ESYT3: variants seen among roughly 807,000 people sequenced by gnomAD.
ESYT3 encodes extended synaptotagmin 3.
ESYT3 carries 101 observed loss-of-function variants against 111.5 expected under a neutral mutation model. That is an observed-to-expected ratio of 0.91 (90% CI 0.77 to 1.07). The LOEUF is 1.07. ESYT3 is among the 50% of genes least tolerant of loss of function. The pLI is 0.00. For synonymous variants in ESYT3, 416 were observed against 446.8 expected (o/e 0.93, Z 0.87); for missense variants, 1,097 against 1,109.4 (o/e 0.99, Z 0.16).
chr3:138,436,328 C>G (rs953580368), intron 1 of ESYT3, among the ~76,000 whole-genome samples: 5 of 152,134 alleles, frequency 3.3e-5, no homozygotes, highest in Non-Finnish European at 5.9e-5. Flanking sequence ...GTCTTCACAC[C>G]GTCTTCCTTC....
In ESYT3 at chr3:138,435,493, C is replaced by T. The variant is rs2030591396; in HGVS notation, c.327+368C>T. Among the ~76,000 whole-genome samples, 1 of 152,230 alleles carries T rather than the reference C, an allele frequency of 6.6e-6. No homozygotes were observed. The highest frequency in any genetic ancestry group is 1.5e-5 in the Non-Finnish European group (1 of 68,042). On this transcript the variant is annotated intron_variant, in intron 1 of 22. Transcript: ENST00000389567. This position sits in a 1 kb window ranked among gnomAD's most constrained non-coding sequence, Gnocchi z 4.8. ...AATCAGAAGGCATTTCTTCCACCCG[C>T]CTGTTGATTCAGAGAACGAACGCCG...
intron 1 of ESYT3, among the ~76,000 whole-genome samples, chr3:138,438,305 G>T (rs1358635426): frequency 6.6e-6 from 1 of 152,222 alleles, no homozygotes; most frequent in Non-Finnish European, 1.5e-5. Context: ...CTGAAGAAAA[G>T]TTGAGCAGCT....
intron 1 of ESYT3, among the ~76,000 whole-genome samples, chr3:138,450,988 G>C (rs1386794371): frequency 6.6e-6 from 1 of 152,208 alleles, no homozygotes; most frequent in Admixed American, 6.5e-5. Flanking sequence ...CTGTTTTGGT[G>C]AACAGTGTTT....
intron 1 of ESYT3, among the ~76,000 whole-genome samples, chr3:138,438,166 C>A (rs1456539692): frequency 6.6e-6 from 1 of 152,190 alleles, no homozygotes; most frequent in Admixed American, 6.5e-5. Context: ...CACATGCTGA[C>A]CTTTTAGCAT....
chr3:138,467,143 T>A (rs2108622782), intron 10 of ESYT3, among the ~76,000 whole-genome samples: 1 of 152,288 alleles, frequency 6.6e-6, no homozygotes, highest in South Asian at 2.1e-4. Flanking sequence ...CATTTGGGGT[T>A]ATTGACATGA....
At chr3:138,468,463 C>CT (rs2033045719) in intron 12 of ESYT3, among the ~76,000 whole-genome samples, 192 bp from the exon 13 acceptor site, 1 of 152,148 alleles carries the variant, frequency 6.6e-6, no homozygotes, top group Admixed American at 6.5e-5. Context: ...CACTCAGTGT[C>CT]TAACTTGAAT....
At chr3:138,472,253 G>A in intron 17 of ESYT3, 110 bp from the exon 18 acceptor site, 2 of 1,410,334 alleles carry the variant, frequency 1.4e-6, no homozygotes, top group South Asian at 1.4e-5. Flanking sequence ...AAGTTCCCTA[G>A]GAAGGGTCTT....
rs1412592149 is a variant in ESYT3, at chr3:138,477,925, A to AAAG, written c.*1072_*1074dup. The AAAG allele has an allele frequency of 6.6e-6, 1 of 152,184 alleles. No individual in the cohort carries two copies. The highest frequency in any genetic ancestry group is 2.4e-5 in the African/African-American group (1 of 41,438). The allele number at this position is 152,184 out of a possible 1,614,324, so 9.4% of individuals were successfully genotyped here. A position where few individuals can be genotyped will look rare whatever the true frequency, so the allele number is the denominator to read the frequency against. The stretch of plus-strand genomic sequence containing the variant: ...CTGAAGCAGGGCAACATTCGAGAAC[A>AAAG]AAGTTTTGTCATGTTACTCTTATTC... On this transcript the variant is annotated 3_prime_UTR_variant, in exon 23 of 23. Transcript: ENST00000389567.
chr3:138,469,603 G>T, intron 15 of ESYT3, 99 bp downstream of exon 15: 1 of 884,730 alleles, frequency 1.1e-6, no homozygotes, highest in South Asian at 1.5e-5. Context: ...TATGGTGAAT[G>T]CCTAGTAGGC....
chr3:138,464,660 C>A, intron 9 of ESYT3, 145 bp downstream of exon 9: 3 of 886,260 alleles, frequency 3.4e-6, no homozygotes, highest in Middle Eastern at 5.8e-4. Flanking sequence ...GGCTTCCAGA[C>A]TGGGTTACTC....
At position 138,465,412 on chromosome 3, in the gene ESYT3, TC is replaced by T. The variant is rs1395441301; in HGVS notation, c.1162del (p.Leu388TrpfsTer12). 6.3e-7 allele frequency: 1 copy of T among 1,590,794 alleles called. No individual in the cohort carries two copies. Among genetic ancestry groups the T allele is most frequent in the Non-Finnish European group, 8.6e-7 (1 of 1,169,274 alleles). On this transcript the variant is annotated frameshift_variant, in exon 10 of 23. Coordinates refer to ENST00000389567, the MANE Select transcript of ESYT3 (RefSeq NM_031913.5). LOFTEE classifies it high-confidence loss of function. ...LYDEDTDRDDFLGSLQICLGD... is the reference protein window; with the variant it reads ...LYDEDTDRDDXLGSLQICLGD... ...GATGAGGATACCGACAGGGATGACT[TC>T]CTGGGCAGGTGAGGAGGAGGGCGCA...
chr3:138,472,291 G>A (rs2033258321), intron 17 of ESYT3, 72 bp from the exon 18 acceptor site: 1 of 1,549,740 alleles, frequency 6.5e-7, no homozygotes, highest in African/African-American at 1.4e-5. Flanking sequence ...GGGAAAGGGG[G>A]AACGGGAAAC....
At position 138,477,730 on chromosome 3, in the gene ESYT3, G is replaced by A. The variant is rs557714595; in HGVS notation, c.*876G>A. The A allele has an allele frequency of 4.2e-4, 64 of 152,250 alleles. No homozygotes were observed. The highest frequency in any genetic ancestry group is 1.5e-3 in the African/African-American group (62 of 41,542). The allele number at this position is 152,250 out of a possible 1,614,324, so 9.4% of individuals were successfully genotyped here. ...ACCTAAATAACATGTTAAAAGCAAA[G>A]TATTAAATTATATGCTTAAACAAGC... On this transcript the variant is annotated 3_prime_UTR_variant, in exon 23 of 23. Transcript: ENST00000389567.
intron 16 of ESYT3, chr3:138,470,608 C>A (rs1208076813): frequency 8.1e-7 from 1 of 1,238,532 alleles, no homozygotes; most frequent in African/African-American, 1.5e-5. Context: ...CAGCACAGCT[C>A]ATCAGTCCCC....
At chr3:138,461,239 G>A (rs762764200) in intron 7 of ESYT3, among the ~76,000 whole-genome samples, 1 of 152,206 alleles carries the variant, frequency 6.6e-6, no homozygotes, top group Non-Finnish European at 1.5e-5. Context: ...AACCAAGTGT[G>A]TGGTGAGAAG....
chr3:138,442,496 C>T (rs1414584752), intron 1 of ESYT3, among the ~76,000 whole-genome samples: 1 of 152,086 alleles, frequency 6.6e-6, no homozygotes, highest in Admixed American at 6.5e-5. Context: ...CGCAGTTTCT[C>T]CCTCTGATCT....
intron 8 of ESYT3, 179 bp downstream of exon 8, chr3:138,462,385 T>TACAC: frequency 1.2e-6 from 1 of 826,278 alleles, no homozygotes; most frequent in Non-Finnish European, 1.9e-6. Context: ...TTGGGGTGTA[T>TACAC]CCCACTTGGG....
intron 15 of ESYT3, 80 bp downstream of exon 15, chr3:138,469,584 G>GCATTCACCAT: frequency 8.3e-7 from 1 of 1,208,412 alleles, no homozygotes; most frequent in Non-Finnish European, 1.2e-6. Context: ...AAAGGGAGGG[G>GCATTCACCAT]AATTAACTTA....
At chr3:138,462,533 C>T (rs745860174) in intron 8 of ESYT3, 14 of 470,228 alleles carry the variant, frequency 3.0e-5, no homozygotes, top group Non-Finnish European at 5.3e-5. Context: ...CTTCCTTTTA[C>T]AATTATGTAA....
Sources: allele counts gnomAD v4.1 joint callset (sites outside exome capture counted in the v4.1 genomes callset), GRCh38; gene constraint gnomAD v4.1.1; non-coding constraint Gnocchi (gnomAD v3.1); transcripts MANE v1.5; gene names NCBI Gene and HGNC (gene_info 2026-07-23, HGNC 2026-07-21).